The following GPC6 variants were observed in gnomAD, a reference collection of about 807,000 sequenced individuals.
The protein encoded by GPC6 is glypican 6.
GPC6 carries 14 observed loss-of-function variants against 55.2 expected under a neutral mutation model. The observed-to-expected ratio is 0.25, with a 90% CI of 0.17 to 0.40. The LOEUF is 0.40. GPC6 is among the 10% of genes least tolerant of loss of function. The pLI is 1.00. For missense variants in GPC6, 641 were observed against 708.5 expected (o/e 0.90, Z 1.08); for synonymous variants, 278 against 259.6 (o/e 1.07, Z -0.68).
intron 1 of GPC6, among the ~76,000 whole-genome samples, chr13:93,470,342 T>A (rs1370803312): frequency 6.6e-6 from 1 of 152,180 alleles, no homozygotes; most frequent in Non-Finnish European, 1.5e-5. Context: ...GAACATTAAC[T>A]TCTTCATATT....
chr13:93,388,546 G>A (rs1261270347), intron 1 of GPC6, among the ~76,000 whole-genome samples: 1 of 152,132 alleles, frequency 6.6e-6, no homozygotes, highest in Non-Finnish European at 1.5e-5. Flanking sequence ...GCAGACTAAG[G>A]TCACCAATTA....
At chr13:93,703,901 A>C (rs140659330) in intron 2 of GPC6, among the ~76,000 whole-genome samples, 45 of 152,024 alleles carry the variant, frequency 3.0e-4, no homozygotes, top group African/African-American at 1.1e-3. Context: ...TTCAGAGCAA[A>C]AGTATTTGGG....
chr13:93,392,670 G>A (rs1034900021), intron 1 of GPC6, among the ~76,000 whole-genome samples: 1 of 152,142 alleles, frequency 6.6e-6, no homozygotes, highest in African/African-American at 2.4e-5. Flanking sequence ...TTAAATATAT[G>A]GGCAATGTTT....
At chr13:94,247,758 T>C (rs1891238948) in intron 4 of GPC6, among the ~76,000 whole-genome samples, 1 of 152,146 alleles carries the variant, frequency 6.6e-6, no homozygotes, top group Non-Finnish European at 1.5e-5. Flanking sequence ...TTCCTAATAC[T>C]GTAATGAGAA....
intron 1 of GPC6, among the ~76,000 whole-genome samples, chr13:93,499,219 G>A (rs1176627219): frequency 6.6e-6 from 1 of 151,966 alleles, no homozygotes; most frequent in African/African-American, 2.4e-5. Context: ...GGTTCTTATG[G>A]AATTATTAAG....
chr13:93,851,503 A>G (rs1888395881), intron 3 of GPC6, among the ~76,000 whole-genome samples: 1 of 151,870 alleles, frequency 6.6e-6, no homozygotes, highest in African/African-American at 2.4e-5. Flanking sequence ...GAAGTCAGCT[A>G]GGAGTGTTCA....
Position 94,286,380 on chromosome 13 carries a change from G to A in GPC6, c.909G>A (p.Glu303=), listed in dbSNP as rs762276356. The A allele has an allele frequency of 8.1e-6, 13 of 1,613,770 alleles. No homozygotes were observed. The highest frequency in any genetic ancestry group is 3.3e-5 in the Admixed American group (2 of 59,972). ...TGCTCTTGGTGGCAGAGCGACTGGA[G>A]GGGCCATTCAACATTGAGTCGGTCA... ...DAMLLVAERL[E]GPFNIESVMD... is the part of the protein sequence containing the mutation. Residue 303 remains glutamate (E), a synonymous_variant, in exon 5 of 9, where the codon GAG becomes GAA. Transcript: ENST00000377047.
intron 2 of GPC6, among the ~76,000 whole-genome samples, chr13:93,825,654 A>G (rs1383650863): frequency 2.6e-5 from 4 of 152,122 alleles, no homozygotes; most frequent in Admixed American, 6.5e-5. Flanking sequence ...AGGCTGTTAC[A>G]TAAGCAAGAT....
At chr13:93,256,915 G>A (rs1440039648) in intron 1 of GPC6, among the ~76,000 whole-genome samples, 1 of 152,114 alleles carries the variant, frequency 6.6e-6, no homozygotes, top group African/African-American at 2.4e-5. Flanking sequence ...TTTATACTGA[G>A]AGCAGGTACA....
At chr13:93,617,745 GAGAA>G (rs1246772861) in intron 2 of GPC6, among the ~76,000 whole-genome samples, 1 of 152,036 alleles carries the variant, frequency 6.6e-6, no homozygotes, top group Non-Finnish European at 1.5e-5. Flanking sequence ...TTTGTTTTCA[GAGAA>G]ATTATTTCAG....
chr13:94,020,672 TG>T (rs1882660955), intron 3 of GPC6, among the ~76,000 whole-genome samples: 1 of 152,166 alleles, frequency 6.6e-6, no homozygotes, highest in South Asian at 2.1e-4. Context: ...CTAAGCTAAT[TG>T]TCCTTTTATG....
intron 4 of GPC6, among the ~76,000 whole-genome samples, chr13:94,114,569 TG>T (rs1191794434): frequency 2.0e-5 from 3 of 152,088 alleles, no homozygotes; most frequent in African/African-American, 7.2e-5. Context: ...AATTTTATCT[TG>T]TAGGATAGGT....
chr13:93,602,707 T>C (rs1878067003), intron 2 of GPC6, among the ~76,000 whole-genome samples: 1 of 152,216 alleles, frequency 6.6e-6, no homozygotes, highest in African/African-American at 2.4e-5. Context: ...AATACATACA[T>C]GGCATACTTC....
In GPC6 at chr13:93,514,847, A is replaced by G. The variant is rs184604997; in HGVS notation, c.161-30416A>G. Among the ~76,000 whole-genome samples the G allele has an allele frequency of 1.5e-3, 231 of 152,330 alleles. 1 individual carries two copies. Among genetic ancestry groups the G allele is most frequent in the Non-Finnish European group, 2.3e-3 (155 of 68,028 alleles). On this transcript the variant is annotated intron_variant, in intron 1 of 8. Transcript: ENST00000377047. ...ATTGGACGTAGAGTCGTCGTGAGGA[A>G]AAAAACAAACAAACAAAACAAACAA...
intron 1 of GPC6, among the ~76,000 whole-genome samples, chr13:93,401,013 C>T (rs571993096): frequency 1.3e-5 from 2 of 152,268 alleles, no homozygotes; most frequent in East Asian, 1.9e-4. Flanking sequence ...CTCTCATACA[C>T]AGCTCACTTT....
At chr13:93,458,284 C>G (rs774979005) in intron 1 of GPC6, among the ~76,000 whole-genome samples, 1 of 152,118 alleles carries the variant, frequency 6.6e-6, no homozygotes, top group Non-Finnish European at 1.5e-5. Context: ...TCTTATTTAA[C>G]CCTCCTCCTT....
chr13:93,220,693 G>C, the GPC6 span, among the ~76,000 whole-genome samples: 1 of 152,234 alleles, frequency 6.6e-6, no homozygotes, highest in African/African-American at 2.4e-5. Context: ...ATGATGCTTA[G>C]CCAGTAGTAC....
chr13:93,363,240 C>G (rs1881113101), intron 1 of GPC6, among the ~76,000 whole-genome samples: 1 of 151,438 alleles, frequency 6.6e-6, no homozygotes, highest in East Asian at 2.0e-4. Context: ...CCCACTAACT[C>G]ATCATCTAGC....
chr13:93,417,901 A>G (rs763994737), intron 1 of GPC6, among the ~76,000 whole-genome samples: 8 of 152,130 alleles, frequency 5.3e-5, no homozygotes, highest in African/African-American at 1.9e-4. Context: ...GAAGGGAACA[A>G]TTTCTCTGGG....
Sources: allele counts gnomAD v4.1 joint callset (sites outside exome capture counted in the v4.1 genomes callset), GRCh38; gene constraint gnomAD v4.1.1; transcripts MANE v1.5; gene names NCBI Gene and HGNC (gene_info 2026-07-23, HGNC 2026-07-21).